Variants in TBCD observed in about 807,000 individuals in gnomAD.
TBCD encodes the protein tubulin-specific chaperone D.
In TBCD, 105 loss-of-function variants were observed where a neutral mutation model predicts 169.3. The ratio of observed to expected loss-of-function variants is 0.62; its 90% CI spans 0.53 to 0.73. The LOEUF (loss-of-function observed/expected upper bound fraction) is 0.73, where lower values mean the gene tolerates loss of function less well. Ranked by LOEUF, TBCD falls within the 30% of genes least tolerant of loss-of-function variation. The pLI, the probability that TBCD is intolerant of heterozygous loss-of-function variation, is 0.00. For synonymous variants in TBCD, 700 were observed against 643.9 expected, an observed-to-expected ratio of 1.09 and a Z score of -1.32; for missense variants, 1,444 against 1,600.1, an observed-to-expected ratio of 0.90 and a Z score of 1.66.
intron 13 of TBCD, among the ~76,000 whole-genome samples, chr17:82,842,780 C>CTTT (rs375870095): frequency 1.4e-4 from 18 of 129,896 alleles, no homozygotes; most frequent in African/African-American, 1.7e-4. Flanking sequence ...TTCTTTCTTT[C>CTTT]TTTTTTTTTT....
At chr17:82,758,400 A>AAAAAAAAAAAAATAAAT (rs1035939621) in intron 2 of TBCD, among the ~76,000 whole-genome samples, 6 of 100,054 alleles carry the variant, frequency 6.0e-5, no homozygotes, top group African/African-American at 1.1e-4. Context: ...AAAAAAAAAA[A>AAAAAAAAAAAAATAAAT]AAATAAATAA....
At chr17:82,839,475 C>G (rs928074077) in intron 13 of TBCD, among the ~76,000 whole-genome samples, 2 of 151,156 alleles carry the variant, frequency 1.3e-5, no homozygotes. Flanking sequence ...TGTACATACA[C>G]CACACATATA....
intron 15 of TBCD, among the ~76,000 whole-genome samples, chr17:82,888,565 C>T (rs904494519): frequency 2.6e-5 from 4 of 152,230 alleles, no homozygotes; most frequent in African/African-American, 9.6e-5. Flanking sequence ...GGCCTCCTCC[C>T]AGCCTGCTGT....
At chr17:82,892,193 C>G (rs190664858) in intron 16 of TBCD, among the ~76,000 whole-genome samples, 11 of 152,140 alleles carry the variant, frequency 7.2e-5, no homozygotes, top group Non-Finnish European at 1.2e-4. Context: ...ACACAGAGTC[C>G]CCTTGTTCTT....
At chr17:82,873,337 T>C (rs906052680) in intron 14 of TBCD, among the ~76,000 whole-genome samples, 1 of 151,152 alleles carries the variant, frequency 6.6e-6, no homozygotes, top group Admixed American at 6.6e-5. Context: ...GACATGGGGG[T>C]GAGACGAAAC....
intron 34 of TBCD, 78 bp from the exon 35 acceptor site, chr17:82,937,193 C>A: frequency 7.2e-7 from 1 of 1,384,770 alleles, no homozygotes; most frequent in Non-Finnish European, 1.0e-6. Context: ...CGGAGTTGAC[C>A]TTCTTTGAGA....
At chr17:82,783,886 A>T (rs1474950407) in intron 7 of TBCD, among the ~76,000 whole-genome samples, 1 of 152,128 alleles carries the variant, frequency 6.6e-6, no homozygotes, top group Non-Finnish European at 1.5e-5. Flanking sequence ...GCACTTTGGG[A>T]GGCCGAGGCA....
At chr17:82,795,107 A>G (rs2050005888) in intron 7 of TBCD, among the ~76,000 whole-genome samples, 1 of 152,248 alleles carries the variant, frequency 6.6e-6, no homozygotes, top group African/African-American at 2.4e-5. Flanking sequence ...AGTCTGCTGT[A>G]GAGAATGTTG....
intron 13 of TBCD, chr17:82,840,340 C>G (rs988098536): frequency 6.6e-6 from 1 of 152,226 alleles, no homozygotes; most frequent in African/African-American, 2.4e-5. Flanking sequence ...GAATATTTGG[C>G]GTCATGATAA....
intron 28 of TBCD, 126 bp from the exon 29 acceptor site, chr17:82,927,060 T>C: frequency 2.2e-6 from 3 of 1,336,090 alleles, no homozygotes; most frequent in Middle Eastern, 3.8e-4. Flanking sequence ...GTTTCTGATC[T>C]ACCCGAGGGT....
intron 21 of TBCD, chr17:82,908,350 T>C: frequency 2.2e-6 from 1 of 456,718 alleles, no homozygotes; most frequent in South Asian, 1.5e-5. Context: ...CAGAATTTTG[T>C]GTGTGCGTCT....
rs759362666 is a variant in TBCD at position 82,932,741 on chromosome 17, G to T, written c.3191+6G>T. 2 of 1,613,618 alleles carry T rather than the reference G, an allele frequency of 1.2e-6. No homozygotes were observed. The highest frequency in any genetic ancestry group is 1.7e-6 in the Non-Finnish European group (2 of 1,179,848). On this transcript the variant is annotated splice_donor_region_variant and intron_variant, in intron 34 of 38. Coordinates refer to ENST00000355528, the MANE Select transcript of TBCD (RefSeq NM_005993.5). ...ATCTTCACCACGGAGGAGGAGTGAGGCTCTGCTTTTCATGACTTCCTTTCC... is the reference window on the plus strand; with the variant it reads ...ATCTTCACCACGGAGGAGGAGTGAGTCTCTGCTTTTCATGACTTCCTTTCC...
intron 13 of TBCD, among the ~76,000 whole-genome samples, chr17:82,863,520 T>C (rs2056941978): frequency 6.6e-6 from 1 of 152,206 alleles, no homozygotes; most frequent in African/African-American, 2.4e-5. Context: ...CTCACAATAA[T>C]GTTGCACCTA....
chr17:82,808,023 G>A (rs996962990), intron 11 of TBCD, among the ~76,000 whole-genome samples: 2 of 152,226 alleles, frequency 1.3e-5, no homozygotes, highest in Admixed American at 1.3e-4. Flanking sequence ...TCAGGGAAGA[G>A]CCCTCTTTTG....
At chr17:82,798,454 G>T (rs1383317703) in intron 8 of TBCD, among the ~76,000 whole-genome samples, 1 of 151,814 alleles carries the variant, frequency 6.6e-6, no homozygotes, top group Non-Finnish European at 1.5e-5. Context: ...CCTAATTTTT[G>T]TATTTTTAAT....
intron 1 of TBCD, 26 bp downstream of exon 1, chr17:82,752,403 C>T: frequency 5.0e-6 from 6 of 1,209,812 alleles, no homozygotes; most frequent in Non-Finnish European, 6.2e-6. Flanking sequence ...CGCGTGCCCG[C>T]TTCCTCCCCC....
intron 1 of TBCD, among the ~76,000 whole-genome samples, chr17:82,752,902 G>T (rs2047190373): frequency 6.6e-6 from 1 of 152,236 alleles, no homozygotes; most frequent in African/African-American, 2.4e-5. Context: ...GGGGAGGGCA[G>T]CAGCCTGTCC....
chr17:82,915,765 C>T lies in TBCD; in HGVS notation c.2038+3976C>T, dbSNP rs1017861759. Reference sequence around the variant, plus strand: ...GTCACGAGAATCAGGAAAAGTTCTCCTCTCATGCCGAAGACGGGAGGGAAA... The same window carrying T: ...GTCACGAGAATCAGGAAAAGTTCTCTTCTCATGCCGAAGACGGGAGGGAAA... On this transcript the variant is annotated intron_variant, in intron 23 of 38. Coordinates refer to ENST00000355528, the MANE Select transcript of TBCD (RefSeq NM_005993.5). This position sits in a 1 kb window ranked among gnomAD's most constrained non-coding sequence, Gnocchi z 4.3. Among the ~76,000 whole-genome samples, 2 of 152,184 alleles carry T rather than the reference C, an allele frequency of 1.3e-5. No homozygotes were observed. Among genetic ancestry groups the T allele is most frequent in the African/African-American group, 4.8e-5 (2 of 41,448 alleles).
At chr17:82,781,978 C>T (rs1224998792) in intron 7 of TBCD, among the ~76,000 whole-genome samples, 1 of 152,212 alleles carries the variant, frequency 6.6e-6, no homozygotes, top group Non-Finnish European at 1.5e-5. Flanking sequence ...TGGTGCCACG[C>T]AGCCGGGGCT....
Sources: allele counts gnomAD v4.1 joint callset (sites outside exome capture counted in the v4.1 genomes callset), GRCh38; gene constraint gnomAD v4.1.1; non-coding constraint Gnocchi (gnomAD v3.1); transcripts MANE v1.5; gene names NCBI Gene and HGNC (gene_info 2026-07-23, HGNC 2026-07-21).